The following UVRAG variants were observed in gnomAD, a reference collection of about 807,000 sequenced individuals.
UVRAG encodes UV radiation resistance-associated gene protein.
A neutral mutation model predicts 78.0 loss-of-function variants in UVRAG; 19 were observed. The observed-to-expected ratio is 0.24, with a 90% CI of 0.17 to 0.36. UVRAG has a LOEUF of 0.36. UVRAG is among the 10% of genes least tolerant of loss of function. The probability of loss-of-function intolerance (pLI) is 1.00; values close to 1 mark genes in which losing one functional copy is unlikely to be tolerated. For missense variants in UVRAG, 740 were observed against 853.8 expected, an observed-to-expected ratio of 0.87 and a Z score of 1.66; for synonymous variants, 323 against 324.6, an observed-to-expected ratio of 1.00 and a Z score of 0.05.
intron 13 of UVRAG, among the ~76,000 whole-genome samples, chr11:76,112,286 A>G (rs1006610408): frequency 1.4e-4 from 22 of 152,224 alleles, no homozygotes; most frequent in African/African-American, 5.3e-4. Context: ...CAGTAAAGAA[A>G]TACTTTGGAA....
intron 8 of UVRAG, among the ~76,000 whole-genome samples, chr11:76,003,222 A>G (rs1949853395): frequency 6.9e-6 from 1 of 145,524 alleles, no homozygotes; most frequent in African/African-American, 2.6e-5. Flanking sequence ...CAGAATACAC[A>G]TTTCCTATAC....
chr11:76,100,894 A>G (rs551275679), intron 13 of UVRAG, among the ~76,000 whole-genome samples: 1 of 152,282 alleles, frequency 6.6e-6, no homozygotes, highest in African/African-American at 2.4e-5. Flanking sequence ...TTTGCCAAGG[A>G]TAATGATCTC....
At chr11:75,909,618 GT>G (rs1160299015) in intron 5 of UVRAG, among the ~76,000 whole-genome samples, 1 of 152,062 alleles carries the variant, frequency 6.6e-6, no homozygotes, top group Non-Finnish European at 1.5e-5. Context: ...TTGTGTCATT[GT>G]TTTCACAGAT....
chr11:76,129,916 C>T (rs916410617), intron 14 of UVRAG, among the ~76,000 whole-genome samples: 1 of 151,696 alleles, frequency 6.6e-6, no homozygotes, highest in Admixed American at 6.6e-5. Context: ...CACTCACTCA[C>T]TCTCACACTC....
Position 76,016,891 on chromosome 11 carries a change from A to G in UVRAG, c.1137A>G (p.Gln379=). 1 of 1,612,740 alleles carries G rather than the reference A, an allele frequency of 6.2e-7. No homozygotes were observed. Among genetic ancestry groups the G allele is most frequent in the Non-Finnish European group, 8.5e-7 (1 of 1,179,140 alleles). Residue 379 remains glutamine, a synonymous_variant, in exon 12 of 15, where the codon CAA becomes CAG. Transcript: ENST00000356136. ...HLVSMISFFL[Q]VPLRYPIIHK... Reference sequence around the variant, plus strand: ...TCTCCATGATTTCCTTTTTCCTACAAGTGCCCCTCAGATATCCTATAATTC... The same window carrying G: ...TCTCCATGATTTCCTTTTTCCTACAGGTGCCCCTCAGATATCCTATAATTC...
At position 76,009,050 on chromosome 11, in the gene UVRAG, A is replaced by G. The variant is rs546617465; in HGVS notation, c.1060+183A>G. Among the ~76,000 whole-genome samples the G allele has an allele frequency of 2.0e-5, 3 of 152,306 alleles. No homozygotes were observed. The South Asian group carries it at 6.2e-4, about 32-fold the overall frequency. ...AGAATGTTAGGTCTGATCATAGAAA[A>G]ATAATTACTGAACCTTATATTAGAA... On this transcript the variant is annotated intron_variant, in intron 11 of 14. Transcript: ENST00000356136.
At chr11:75,927,975 G>A (rs921372470) in intron 6 of UVRAG, among the ~76,000 whole-genome samples, 5 of 152,126 alleles carry the variant, frequency 3.3e-5, no homozygotes, top group Non-Finnish European at 7.4e-5. Context: ...GGTGGCACAT[G>A]CCTGTAGTCC....
chr11:75,918,710 G>A (rs1291436426), intron 6 of UVRAG, among the ~76,000 whole-genome samples: 1 of 152,160 alleles, frequency 6.6e-6, no homozygotes, highest in African/African-American at 2.4e-5. Context: ...CTATCGCAGT[G>A]TGTATCATAT....
intron 6 of UVRAG, among the ~76,000 whole-genome samples, chr11:75,915,868 T>C (rs1947840309): frequency 6.6e-6 from 1 of 152,170 alleles, no homozygotes; most frequent in Non-Finnish European, 1.5e-5. Flanking sequence ...AGGTTTGCAA[T>C]TTAGAATTCT....
At chr11:75,998,035 A>G (rs1368163541) in intron 8 of UVRAG, among the ~76,000 whole-genome samples, 1 of 152,234 alleles carries the variant, frequency 6.6e-6, no homozygotes, top group African/African-American at 2.4e-5. Context: ...AGAGGAAAAC[A>G]TGAAAGACAA....
rs958399634 is a variant in UVRAG at position 75,839,746 on chromosome 11, A to T, written c.118-12137A>T. 3.5e-5 allele frequency among the ~76,000 whole-genome samples: 5 copies of T among 140,986 alleles called. No individual in the cohort carries two copies. The East Asian group carries it at 1.0e-3, about 29-fold the overall frequency. 92.5% of individuals were successfully genotyped at this position (140,986 alleles called of 152,430 possible). A position where few individuals can be genotyped will look rare whatever the true frequency, so the allele number is the denominator to read the frequency against. The stretch of plus-strand genomic sequence containing the variant: ...CAATGTCTATTGAAATGTATATTTT[A>T]TATATGAATATATTCATCAGTATAT... On this transcript the variant is annotated intron_variant, in intron 1 of 14. Transcript: ENST00000356136.
At chr11:75,830,970 T>C (rs1945642320) in intron 1 of UVRAG, among the ~76,000 whole-genome samples, 2 of 152,232 alleles carry the variant, frequency 1.3e-5, no homozygotes, top group Admixed American at 1.3e-4. Context: ...CTAGAAGTTA[T>C]TTAATCTCTG....
At chr11:76,055,903 G>T (rs953939577) in intron 12 of UVRAG, among the ~76,000 whole-genome samples, 9 of 152,138 alleles carry the variant, frequency 5.9e-5, no homozygotes, top group African/African-American at 1.9e-4. Context: ...TAGAGATGGG[G>T]TTTCACTGTG....
intron 12 of UVRAG, among the ~76,000 whole-genome samples, chr11:76,048,024 CT>C (rs1950795098): frequency 6.6e-6 from 1 of 152,156 alleles, no homozygotes; most frequent in African/African-American, 2.4e-5. Flanking sequence ...CTTAGAAAAG[CT>C]TGAGACACAA....
intron 8 of UVRAG, among the ~76,000 whole-genome samples, chr11:76,002,851 G>A (rs1419039480): frequency 2.0e-5 from 3 of 152,106 alleles, no homozygotes; most frequent in Non-Finnish European, 2.9e-5. Flanking sequence ...CACGGCAGGC[G>A]GATGGCTTGA....
At chr11:75,837,067 C>T (rs1238759996) in intron 1 of UVRAG, among the ~76,000 whole-genome samples, 8 of 152,124 alleles carry the variant, frequency 5.3e-5, no homozygotes, top group Non-Finnish European at 1.2e-4. Flanking sequence ...CGGTGGCTCA[C>T]GCCTGTAATC....
chr11:75,924,324 A>G (rs1948041769), intron 6 of UVRAG, among the ~76,000 whole-genome samples: 1 of 151,800 alleles, frequency 6.6e-6, no homozygotes, highest in African/African-American at 2.4e-5. Context: ...ATAATTTAAT[A>G]TTTCATTTTG....
At chr11:76,059,398 G>A (rs1482803390) in intron 12 of UVRAG, among the ~76,000 whole-genome samples, 2 of 152,214 alleles carry the variant, frequency 1.3e-5, no homozygotes, top group African/African-American at 4.8e-5. Context: ...GTGATATGGA[G>A]AATGAACTGG....
chr11:75,818,541 C>T (rs543364513), intron 1 of UVRAG, among the ~76,000 whole-genome samples: 8 of 150,830 alleles, frequency 5.3e-5, no homozygotes, highest in South Asian at 2.1e-4. Context: ...TGCAGTGGCG[C>T]GATCTTGGCT....
Sources: gnomAD v4.1 joint callset for allele counts (sites outside exome capture counted in the v4.1 genomes callset) on GRCh38, gnomAD v4.1.1 for gene constraint, MANE v1.5 for transcripts, NCBI Gene and HGNC (gene_info 2026-07-23, HGNC 2026-07-21) for gene names.